DCST1: variants seen among roughly 807,000 people sequenced by gnomAD.
The protein encoded by DCST1 is DC-STAMP domain containing 1.
A neutral mutation model predicts 89.1 loss-of-function variants in DCST1; 78 were observed. The ratio of observed to expected loss-of-function variants is 0.88; its 90% confidence interval spans 0.73 to 1.06. DCST1 has a LOEUF of 1.06. Ranked by LOEUF, DCST1 falls within the 50% of genes least tolerant of loss-of-function variation. The pLI is 0.00. For missense variants in DCST1, 900 were observed against 928.6 expected (o/e 0.97, Z 0.40); for synonymous variants, 364 against 371.9 (o/e 0.98, Z 0.24).
At chr1:155,049,151 T>A (rs1191084630) in intron 16 of DCST1, 3 of 703,462 alleles carry the variant, frequency 4.3e-6, no homozygotes, top group Non-Finnish European at 8.0e-6. Flanking sequence ...CTCATTACTA[T>A]GACAACGGTG....
At chr1:155,044,014 C>T (rs1162769869) in intron 10 of DCST1, among the ~76,000 whole-genome samples, 2 of 152,188 alleles carry the variant, frequency 1.3e-5, no homozygotes, top group African/African-American at 2.4e-5. Context: ...CTCTATTTCC[C>T]ATCTCCACTC....
At chr1:155,035,937 A>G (rs1660268703) in intron 4 of DCST1, among the ~76,000 whole-genome samples, 1 of 152,046 alleles carries the variant, frequency 6.6e-6, no homozygotes, top group African/African-American at 2.4e-5. Flanking sequence ...TCTCAAAAAA[A>G]AGAAAAGAAT....
intron 8 of DCST1, 54 bp from the exon 9 acceptor site, chr1:155,042,681 T>C (rs1660471986): frequency 1.2e-6 from 2 of 1,611,284 alleles, no homozygotes; most frequent in Non-Finnish European, 1.7e-6. Flanking sequence ...AGGCCAGGCC[T>C]GCACCTGGAG....
At chr1:155,044,078 TCTGTCTGCCC>T (rs1660525929) in intron 10 of DCST1, among the ~76,000 whole-genome samples, 2 of 152,218 alleles carry the variant, frequency 1.3e-5, no homozygotes, top group South Asian at 4.1e-4. Flanking sequence ...GGGCTGTTGC[TCTGTCTGCCC>T]CTATGTGGGG....
intron 16 of DCST1, 82 bp downstream of exon 16, chr1:155,048,252 C>A: frequency 2.8e-6 from 3 of 1,084,412 alleles, no homozygotes; most frequent in East Asian, 2.5e-5. Flanking sequence ...TTCAGTCCAC[C>A]CAGCACCCAC....
Position 155,035,051 on chromosome 1 carries a change from A to AATTCATTC in DCST1, c.262+342_262+349dup, listed in dbSNP as rs34390501. On this transcript the variant is annotated intron_variant, in intron 4 of 16. Coordinates refer to ENST00000295542, the MANE Select transcript of DCST1 (RefSeq NM_152494.4). ...GTTTTCTGATCCTCCTAAGAAATTA[A>AATTCATTC]ATTCATTCATTCATTCATTCATTCA... is the stretch of plus-strand genomic sequence containing the variant. 1.0e-3 allele frequency: 292 copies of AATTCATTC among 285,272 alleles called. 2 individuals carry two copies. The highest frequency in any genetic ancestry group is 5.0e-3 in the East Asian group (53 of 10,656). The allele number at this position is 285,272 out of a possible 1,614,324, so 17.7% of individuals were successfully genotyped here. A position where few individuals can be genotyped will look rare whatever the true frequency, so the allele number is the denominator to read the frequency against.
chr1:155,041,829 G>A lies in DCST1; in HGVS notation c.864G>A (p.Lys288=), dbSNP rs374368366. The stretch of plus-strand genomic sequence containing the variant: ...CCCACCTGCTCTGCCTGCCTATGAA[G>A]TTCAAGTTCTTCTGTGGCATTGCCA... The part of the protein sequence containing the change: ...LLTHLLCLPM[K]FKFFCGIAKV... Residue 288 remains lysine (K), a synonymous_variant, in exon 8 of 17, where the codon AAG becomes AAA. Transcript: ENST00000295542. 3.7e-6 allele frequency: 6 copies of A among 1,614,114 alleles called. No individual in the cohort carries two copies. The African/African-American group carries it at 6.7e-5, about 18-fold the overall frequency.
rs1452516560 is a variant in DCST1 at position 155,033,983 on chromosome 1, C to T, written c.-54C>T. ...TCTTCTCTCACCAGAACCTTGTGTC[C>T]AAGGAGGTCCTTCAGGAGACCTGGG... On this transcript the variant is annotated 5_prime_UTR_variant, in exon 2 of 17. Coordinates refer to ENST00000295542, the MANE Select transcript of DCST1 (RefSeq NM_152494.4). 3.1e-6 allele frequency: 5 copies of T among 1,606,328 alleles called. No individual in the cohort carries two copies. In the African/African-American group the frequency reaches 6.7e-5, roughly 22 times the overall value.
intron 16 of DCST1, 98 bp downstream of exon 16, chr1:155,048,268 G>A: frequency 4.3e-6 from 4 of 924,750 alleles, no homozygotes; most frequent in Non-Finnish European, 6.8e-6. Context: ...CCCACCAATG[G>A]TCGCAGGCCT....
rs368262849 is a variant in DCST1, at chr1:155,042,893, A to G, written c.1014+37A>G. 5.0e-6 allele frequency: 8 copies of G among 1,592,180 alleles called. No individual in the cohort carries two copies. The African/African-American group carries it at 6.8e-5, about 13-fold the overall frequency. On this transcript the variant is annotated intron_variant, in intron 9 of 16. Coordinates refer to ENST00000295542, the MANE Select transcript of DCST1 (RefSeq NM_152494.4). ...GGGCGAGGGTTGGTGGGGGGTAGAT[A>G]GGGAGTGGGAGGAGGGCATGAGGGA...
chr1:155,048,894 C>T (rs1660752194), intron 16 of DCST1: 1 of 635,950 alleles, frequency 1.6e-6, no homozygotes, highest in African/African-American at 1.8e-5. Context: ...GGCTGGGAGT[C>T]AGGAAGGCCT....
chr1:155,045,897 T>C lies in DCST1; in HGVS notation c.1177T>C (p.Phe393Leu). ...CTFLLVLHAS[F>L]SYMDSYNHDI... ...TCCCTGCCCATCCACCCACAGGTCTTTCTCCTACATGGACAGCTATAACCA... is the reference window on the plus strand; with the variant it reads ...TCCCTGCCCATCCACCCACAGGTCTCTCTCCTACATGGACAGCTATAACCA... The change falls in exon 11 of 17, where the codon TTC becomes CTC. Residue 393 changes from phenylalanine to leucine, a missense_variant. Phe to Leu is a conservative substitution (Grantham distance 22). Coordinates refer to ENST00000295542, the MANE Select transcript of DCST1 (RefSeq NM_152494.4). The C allele has an allele frequency of 1.2e-6, 2 of 1,613,850 alleles. No homozygotes were observed. Among genetic ancestry groups the C allele is most frequent in the South Asian group, 2.2e-5 (2 of 91,076 alleles).
chr1:155,047,571 A>G (rs970616225), intron 14 of DCST1, among the ~76,000 whole-genome samples: 5 of 152,232 alleles, frequency 3.3e-5, no homozygotes, highest in African/African-American at 4.8e-5. Context: ...AGCACTGTCC[A>G]ACAGGACATT....
Position 155,048,177 on chromosome 1 carries a change from C to A in DCST1, c.1869+7C>A, listed in dbSNP as rs1351329782. The A allele has an allele frequency of 6.2e-7, 1 of 1,612,372 alleles. No homozygotes were observed. Among genetic ancestry groups the A allele is most frequent in the Non-Finnish European group, 8.5e-7 (1 of 1,179,016 alleles). On this transcript the variant is annotated splice_region_variant and intron_variant, in intron 16 of 16. Transcript: ENST00000295542. ...GCGACAGCAGAAGGCTCCGGTAAGT[C>A]CAGGCGTAAGTGCTGCTGCCAGCTC...
At position 155,046,169 on chromosome 1, in the gene DCST1, C is replaced by T. The variant is rs749663971; in HGVS notation, c.1317C>T (p.Thr439=). Reference sequence around the variant, plus strand: ...CACTCCGCAAAGCTGAGGAGAAAACCGTCATCTTCCCTTGCAAGCCCACCA... The same window carrying T: ...CACTCCGCAAAGCTGAGGAGAAAACTGTCATCTTCCCTTGCAAGCCCACCA... The part of the protein sequence containing the change: ...LLPLRKAEEK[T]VIFPCKPTIQ... The change falls in exon 12 of 17, where the codon ACC becomes ACT. Residue 439 remains threonine, a synonymous_variant. Coordinates refer to ENST00000295542, the MANE Select transcript of DCST1 (RefSeq NM_152494.4). 1.4e-5 allele frequency: 23 copies of T among 1,614,192 alleles called. No individual in the cohort carries two copies. The highest frequency in any genetic ancestry group is 2.7e-5 in the African/African-American group (2 of 75,028).
chr1:155,048,959 AT>A (rs1367498733), intron 16 of DCST1: 2 of 712,902 alleles, frequency 2.8e-6, no homozygotes, highest in Non-Finnish European at 5.2e-6. Context: ...ACTCCAGTCC[AT>A]ACTCCCTCAT....
chr1:155,043,521 TC>T lies in DCST1; in HGVS notation c.1172+16del. On this transcript the variant is annotated intron_variant, in intron 10 of 16. Transcript: ENST00000295542. ...CTGGTCCTGCATGCGTGAGCCATAG[TC>T]CCCACCCCAGCAGCCCCTCCTCTGC... The T allele has an allele frequency of 1.9e-6, 3 of 1,562,916 alleles. No individual in the cohort carries two copies. The highest frequency in any genetic ancestry group is 2.6e-6 in the Non-Finnish European group (3 of 1,152,956).
Position 155,043,333 on chromosome 1 carries a change from C to G in DCST1, c.1015-19C>G. ...ACGAGGTGGCCGCAGGCTGAGTTTG[C>G]TCATGTGCCCTCCACCAGGAAGAGA... On this transcript the variant is annotated intron_variant, in intron 9 of 16. Coordinates refer to ENST00000295542, the MANE Select transcript of DCST1 (RefSeq NM_152494.4). 2 of 1,613,960 alleles carry G rather than the reference C, an allele frequency of 1.2e-6. No homozygotes were observed. Among genetic ancestry groups the G allele is most frequent in the Non-Finnish European group, 1.7e-6 (2 of 1,179,940 alleles).
chr1:155,044,092 T>C (rs1660526363), intron 10 of DCST1, among the ~76,000 whole-genome samples: 1 of 152,194 alleles, frequency 6.6e-6, no homozygotes, highest in South Asian at 2.1e-4. Flanking sequence ...TCTGCCCCTA[T>C]GTGGGGGGCC....
Sources: gnomAD v4.1 joint callset for allele counts (sites outside exome capture counted in the v4.1 genomes callset) on GRCh38, gnomAD v4.1.1 for gene constraint, MANE v1.5 for transcripts, NCBI Gene and HGNC (gene_info 2026-07-23, HGNC 2026-07-21) for gene names.